The following SSH2 variants were observed in gnomAD, a reference collection of about 807,000 sequenced individuals.
SSH2 encodes protein phosphatase Slingshot homolog 2.
SSH2 carries 37 observed loss-of-function variants against 135.2 expected under a neutral mutation model. The ratio of observed to expected loss-of-function variants is 0.27; its 90% CI spans 0.21 to 0.36. The LOEUF (loss-of-function observed/expected upper bound fraction) is 0.36. SSH2 is among the 10% of genes least tolerant of loss of function. SSH2 has a pLI of 1.00. For synonymous variants in SSH2, 628 were observed against 646.2 expected, an observed-to-expected ratio of 0.97 and a Z score of 0.43; for missense variants, 1,408 against 1,765.3, an observed-to-expected ratio of 0.80 and a Z score of 3.63.
chr17:29,645,486 A>G (rs1423019754), intron 14 of SSH2: 2 of 152,164 alleles, frequency 1.3e-5, no homozygotes, highest in Non-Finnish European at 2.9e-5. Flanking sequence ...GGAAAACCAC[A>G]CACATTAAAA....
intron 3 of SSH2, among the ~76,000 whole-genome samples, chr17:29,769,688 T>C (rs1487344486): frequency 1.3e-5 from 2 of 152,158 alleles, no homozygotes; most frequent in Non-Finnish European, 2.9e-5. Flanking sequence ...TTCCTTGTTA[T>C]AGTTAAAGAA....
chr17:29,832,073 TACC>T (rs889965260), intron 2 of SSH2, among the ~76,000 whole-genome samples: 1 of 152,212 alleles, frequency 6.6e-6, no homozygotes, highest in Non-Finnish European at 1.5e-5. Flanking sequence ...TTACTGTACT[TACC>T]ACACTGTATT....
At position 29,831,575 on chromosome 17, in the gene SSH2, C is replaced by CTTT. The variant is rs761921450; in HGVS notation, c.144+17271_144+17273dup. 2.5e-3 allele frequency among the ~76,000 whole-genome samples: 331 copies of CTTT among 134,382 alleles called. 2 individuals are homozygous for CTTT. The highest frequency in any genetic ancestry group is 4.8e-3 in the Non-Finnish European group (294 of 61,386). The allele number at this position is 134,382 out of a possible 152,430, so 88.2% of individuals were successfully genotyped here. A position where few individuals can be genotyped will look rare whatever the true frequency, so the allele number is the denominator to read the frequency against. ...TCACTACCAGAATGCAACTGTTTAT[C>CTTT]TTTTTTTTTTTTTTTTTTTAAGATG... On this transcript the variant is annotated intron_variant, in intron 2 of 15. Transcript: ENST00000540801.
In SSH2 at chr17:29,632,612, G is replaced by A. The variant is rs1436877621; in HGVS notation, c.2582C>T (p.Ser861Phe). ...TTCCCCTTCTTCCAAGTCTGCTATA[G>A]ATGAGTGTGTGGTTAGGCAGCCTTC... ...NPEGCLTTHS[S>F]IADLEEGEPA... Residue 861 changes from serine to phenylalanine, a missense_variant, in exon 16 of 16, where the codon TCT (serine) becomes TTT (phenylalanine). Ser to Phe is a radical substitution (Grantham distance 155, BLOSUM62 -2). Around this residue, in one of 3 missense-constraint regions of SSH2, gnomAD observed 1,080 missense variants for 1,144.5 expected, o/e 0.94. Transcript: ENST00000540801. 3.1e-6 allele frequency: 5 copies of A among 1,614,174 alleles called. No individual in the cohort carries two copies. The highest frequency in any genetic ancestry group is 4.2e-6 in the Non-Finnish European group (5 of 1,180,036).
chr17:29,748,183 T>C, intron 3 of SSH2, among the ~76,000 whole-genome samples: 1 of 152,198 alleles, frequency 6.6e-6, no homozygotes, highest in East Asian at 1.9e-4. Flanking sequence ...AGCTCTTTTT[T>C]TATACCCCTC....
chr17:29,636,788 T>C lies in SSH2; in HGVS notation c.1442A>G (p.Asn481Ser), dbSNP rs1287759218. ...GILLASKQRH[N>S]KLWRSHSDSD... ...ATCTGAATGAGATCTCCATAGTTTGTTATGCCGCTGTTTGCTGTGGAGGAC... is the reference window on the plus strand; with the variant it reads ...ATCTGAATGAGATCTCCATAGTTTGCTATGCCGCTGTTTGCTGTGGAGGAC... Residue 481 changes from asparagine (N) to serine (S), a missense_variant, in exon 15 of 16, where the codon AAC becomes AGC. Physicochemically the swap from Asn to Ser is conservative, Grantham distance 46. Around this residue, in one of 3 missense-constraint regions of SSH2, gnomAD observed 106 missense variants for 265.2 expected, o/e 0.40. Coordinates refer to ENST00000540801, the MANE Select transcript of SSH2 (RefSeq NM_001282129.2). 4 of 1,608,570 alleles carry C rather than the reference T, an allele frequency of 2.5e-6. No individual in the cohort carries two copies. Among genetic ancestry groups the C allele is most frequent in the Non-Finnish European group, 3.4e-6 (4 of 1,176,282 alleles).
chr17:29,891,088 GCACCTGAACATA>G (rs2066341496), intron 1 of SSH2, among the ~76,000 whole-genome samples: 1 of 152,180 alleles, frequency 6.6e-6, no homozygotes, highest in African/African-American at 2.4e-5. Flanking sequence ...CCTGTGAGAA[GCACCTGAACATA>G]CACTCCTCTG....
chr17:29,739,019 T>A (rs2151202139), intron 3 of SSH2, among the ~76,000 whole-genome samples: 1 of 152,286 alleles, frequency 6.6e-6, no homozygotes, highest in East Asian at 1.9e-4. Flanking sequence ...AAAACAAAAC[T>A]CTAATCTTGA....
At chr17:29,687,040 C>T (rs899658572) in intron 5 of SSH2, among the ~76,000 whole-genome samples, 9 of 152,198 alleles carry the variant, frequency 5.9e-5, no homozygotes, top group African/African-American at 2.2e-4. Context: ...AAAATAACCC[C>T]TATTCCTTAG....
intron 3 of SSH2, among the ~76,000 whole-genome samples, chr17:29,707,560 C>G (rs1050628703): frequency 6.6e-6 from 1 of 150,608 alleles, no homozygotes; most frequent in African/African-American, 2.4e-5. Flanking sequence ...GAGTCTTGCT[C>G]TCTTGCCCAG....
chr17:29,741,934 C>CTTTTTTT (rs71138848), intron 3 of SSH2, among the ~76,000 whole-genome samples: 1 of 97,908 alleles, frequency 1.0e-5, no homozygotes, highest in Non-Finnish European at 2.0e-5. Flanking sequence ...ATTTTTTTTT[C>CTTTTTTT]TTTTTTTTTT....
At chr17:29,727,287 G>A (rs1407794165) in intron 3 of SSH2, among the ~76,000 whole-genome samples, 1 of 152,192 alleles carries the variant, frequency 6.6e-6, no homozygotes, top group East Asian at 1.9e-4. Context: ...TCTGAAGCCA[G>A]CTTCGATCAA....
chr17:29,761,310 T>C (rs1047892649), intron 3 of SSH2: 36 of 1,262,116 alleles, frequency 2.9e-5, no homozygotes, highest in Non-Finnish European at 3.6e-5. Flanking sequence ...CTCCGCATCC[T>C]GGCCTCTGCT....
intron 2 of SSH2, among the ~76,000 whole-genome samples, chr17:29,794,516 T>C (rs906581324): frequency 6.6e-6 from 1 of 152,326 alleles, no homozygotes; most frequent in East Asian, 1.9e-4. Flanking sequence ...ATTTTTAATT[T>C]ATTCAAATAC....
chr17:29,690,420 A>AAG (rs2038419205), intron 5 of SSH2, among the ~76,000 whole-genome samples: 1 of 151,500 alleles, frequency 6.6e-6, no homozygotes, highest in Admixed American at 6.6e-5. Context: ...AAAAAAAAAA[A>AAG]AGACTTAATT....
intron 1 of SSH2, among the ~76,000 whole-genome samples, chr17:29,900,253 A>G (rs1394327886): frequency 6.6e-6 from 1 of 152,252 alleles, no homozygotes; most frequent in Non-Finnish European, 1.5e-5. Flanking sequence ...CACCAAAAGC[A>G]ATGGCAACAA....
At chr17:29,683,499 G>A (rs1185619954) in intron 6 of SSH2, among the ~76,000 whole-genome samples, 1 of 152,054 alleles carries the variant, frequency 6.6e-6, no homozygotes, top group Non-Finnish European at 1.5e-5. Context: ...GAAAAAGGAG[G>A]CATAGCATTT....
At chr17:29,773,274 G>C (rs1049287765) in intron 3 of SSH2, among the ~76,000 whole-genome samples, 3 of 152,032 alleles carry the variant, frequency 2.0e-5, no homozygotes, top group African/African-American at 7.2e-5. Context: ...TCTATCCATA[G>C]AAATAATATT....
intron 14 of SSH2, among the ~76,000 whole-genome samples, chr17:29,642,645 A>G (rs1233075258): frequency 1.3e-5 from 2 of 151,996 alleles, no homozygotes; most frequent in African/African-American, 4.8e-5. Context: ...TATAAATGCT[A>G]TAAGTAGCTT....
Sources: allele counts gnomAD v4.1 joint callset (sites outside exome capture counted in the v4.1 genomes callset), GRCh38; gene constraint gnomAD v4.1.1; regional missense constraint gnomAD v4.1.1; transcripts MANE v1.5; gene names NCBI Gene and HGNC (gene_info 2026-07-23, HGNC 2026-07-21).